PRKAG2: variants seen among roughly 807,000 people sequenced by gnomAD.
PRKAG2 encodes protein kinase AMP-activated non-catalytic subunit gamma 2, also known as 5'-AMP-activated protein kinase subunit gamma-2.
A neutral mutation model predicts 69.6 loss-of-function variants in PRKAG2; 26 were observed. The ratio of observed to expected loss-of-function variants is 0.37; its 90% CI spans 0.27 to 0.52. The LOEUF (loss-of-function observed/expected upper bound fraction) is 0.52. Among genes scored for constraint, PRKAG2 ranks in the 20% least tolerant of loss-of-function variants. The pLI is 0.90. For synonymous variants in PRKAG2, 293 were observed against 285.0 expected (o/e 1.03, Z -0.28); for missense variants, 557 against 740.0 (o/e 0.75, Z 2.87).
At chr7:151,684,307 C>T (rs530228636) in intron 3 of PRKAG2, among the ~76,000 whole-genome samples, 23 of 152,298 alleles carry the variant, frequency 1.5e-4, no homozygotes, top group Non-Finnish European at 1.0e-4. Context: ...CTGCCCCCAA[C>T]GATACAGTTT....
intron 4 of PRKAG2, among the ~76,000 whole-genome samples, chr7:151,670,273 C>A (rs1831803347): frequency 6.6e-6 from 1 of 152,198 alleles, no homozygotes; most frequent in African/African-American, 2.4e-5. Context: ...ATGGCAAAAC[C>A]TTTGGAATCA....
chr7:151,853,446 C>T (rs574217209), intron 1 of PRKAG2, among the ~76,000 whole-genome samples: 21 of 152,126 alleles, frequency 1.4e-4, no homozygotes, highest in Non-Finnish European at 2.9e-4. Flanking sequence ...TTACGTTGAA[C>T]TCTGTGAGAT....
At position 151,876,985 on chromosome 7, in the gene PRKAG2, G is replaced by A; in HGVS notation, c.-365C>T. ...TCTCGGCTCCTCCCACAGATTCCCA[G>A]AGGTAATCTGAAAGGCAGGTGCAAT... is the stretch of plus-strand genomic sequence containing the variant. On this transcript the variant is annotated 5_prime_UTR_variant, in exon 1 of 16. Transcript: ENST00000287878. The A allele has an allele frequency of 2.8e-6, 1 of 362,712 alleles. No individual in the cohort carries two copies. Among genetic ancestry groups the A allele is most frequent in the African/African-American group, 2.1e-5 (1 of 47,986 alleles). The allele number at this position is 362,712 out of a possible 1,614,324, so 22.5% of individuals were successfully genotyped here.
At chr7:151,714,498 T>A (rs1795853487) in intron 3 of PRKAG2, among the ~76,000 whole-genome samples, 1 of 145,354 alleles carries the variant, frequency 6.9e-6, no homozygotes, top group South Asian at 2.2e-4. Flanking sequence ...CACCACGTCC[T>A]CCCATCCACA....
At chr7:151,752,133 G>C (rs928779271) in intron 3 of PRKAG2, among the ~76,000 whole-genome samples, 1 of 152,200 alleles carries the variant, frequency 6.6e-6, no homozygotes, top group Non-Finnish European at 1.5e-5. Flanking sequence ...ACTTGATAAT[G>C]AAGACATGGA....
At chr7:151,713,055 G>A (rs1795578092) in intron 3 of PRKAG2, among the ~76,000 whole-genome samples, 1 of 152,178 alleles carries the variant, frequency 6.6e-6, no homozygotes, top group South Asian at 2.1e-4. Flanking sequence ...CCAGTGGATG[G>A]CCCTTCCTCG....
At chr7:151,833,326 T>C (rs1039076148) in intron 1 of PRKAG2, among the ~76,000 whole-genome samples, 5 of 152,070 alleles carry the variant, frequency 3.3e-5, no homozygotes, top group Non-Finnish European at 5.9e-5. Flanking sequence ...CTCGGGAGTG[T>C]GCAGCGGGAA....
chr7:151,725,036 C>T (rs575239554), intron 3 of PRKAG2, among the ~76,000 whole-genome samples: 2 of 152,218 alleles, frequency 1.3e-5, no homozygotes, highest in African/African-American at 4.8e-5. Flanking sequence ...GACGTGAGTA[C>T]TCCTGCCCCT....
intron 1 of PRKAG2, among the ~76,000 whole-genome samples, chr7:151,862,076 C>A (rs1263565135): frequency 6.6e-6 from 1 of 151,922 alleles, no homozygotes; most frequent in East Asian, 1.9e-4. Context: ...GGGATGAGGC[C>A]CGAGGCACTG....
chr7:151,642,479 T>C (rs1826905206), intron 4 of PRKAG2, among the ~76,000 whole-genome samples: 1 of 152,146 alleles, frequency 6.6e-6, no homozygotes, highest in South Asian at 2.1e-4. Flanking sequence ...CAGTGAGCTG[T>C]GATCACACCA....
Position 151,788,234 on chromosome 7 carries a change from A to G in PRKAG2, c.115-1693T>C, listed in dbSNP as rs989598062. Reference sequence around the variant, plus strand: ...TCCCACCCACAGTACACAGGGTTTCAATTTCTCCACATCCTCATCAACACT... The same window carrying G: ...TCCCACCCACAGTACACAGGGTTTCGATTTCTCCACATCCTCATCAACACT... On this transcript the variant is annotated intron_variant, in intron 1 of 15. Transcript: ENST00000287878. This position sits in a 1 kb window ranked among gnomAD's most constrained non-coding sequence, Gnocchi z 4.6. Among the ~76,000 whole-genome samples, 24 of 152,274 alleles carry G rather than the reference A, an allele frequency of 1.6e-4. No individual in the cohort carries two copies. Among genetic ancestry groups the G allele is most frequent in the African/African-American group, 5.5e-4 (23 of 41,560 alleles).
At chr7:151,707,445 A>C (rs552092874) in intron 3 of PRKAG2, among the ~76,000 whole-genome samples, 1 of 152,152 alleles carries the variant, frequency 6.6e-6, no homozygotes, top group African/African-American at 2.4e-5. Context: ...CATTCCTAGA[A>C]ATGTTTCTTC....
chr7:151,743,876 G>C (rs909626315), intron 3 of PRKAG2, among the ~76,000 whole-genome samples: 1 of 152,300 alleles, frequency 6.6e-6, no homozygotes, highest in Middle Eastern at 3.4e-3. Flanking sequence ...GCCAGGGCTG[G>C]GCTGCGGGAG....
intron 3 of PRKAG2, among the ~76,000 whole-genome samples, chr7:151,714,408 G>A (rs73728279): frequency 2.1e-4 from 32 of 149,980 alleles, no homozygotes; most frequent in African/African-American, 7.4e-4. Context: ...GTGGAGAGGC[G>A]GCAGGGCTTC....
chr7:151,814,502 TGACGGGGACGG>T lies in PRKAG2; in HGVS notation c.115-27972_115-27962del. On this transcript the variant is annotated intron_variant, in intron 1 of 15. Transcript: ENST00000287878. This position sits in a 1 kb window ranked among gnomAD's most constrained non-coding sequence, Gnocchi z 4.8. ...AAGCTGCTGGATGGCAGGATGCGAG[TGACGGGGACGG>T]GCGGCACTCCCAGCTCTGACAAATC... 1 of 1,230,768 alleles carries T rather than the reference TGACGGGGACGG, an allele frequency of 8.1e-7. No individual in the cohort carries two copies. The highest frequency in any genetic ancestry group is 4.2e-5 in the Admixed American group (1 of 23,684). The allele number at this position is 1,230,768 out of a possible 1,614,324, so 76.2% of individuals were successfully genotyped here.
At chr7:151,750,681 A>C (rs1465547427) in intron 3 of PRKAG2, among the ~76,000 whole-genome samples, 1 of 152,102 alleles carries the variant, frequency 6.6e-6, no homozygotes, top group Non-Finnish European at 1.5e-5. Flanking sequence ...GATTGGGGTG[A>C]TGGTCGCACA....
intron 1 of PRKAG2, among the ~76,000 whole-genome samples, chr7:151,843,956 G>A (rs1267287995): frequency 1.3e-5 from 2 of 152,246 alleles, no homozygotes; most frequent in African/African-American, 4.8e-5. Context: ...GAATTCCAAG[G>A]AACAGAAGCT....
Position 151,814,851 on chromosome 7 carries a change from G to A in PRKAG2, c.115-28310C>T. The stretch of plus-strand genomic sequence containing the variant: ...CAAACTGTCATTCCCACCTGTGTCA[G>A]GCGCTGCTGGGGAGGAAACTCCTTA... On this transcript the variant is annotated intron_variant, in intron 1 of 15. Coordinates refer to ENST00000287878, the MANE Select transcript of PRKAG2 (RefSeq NM_016203.4). The surrounding 1 kb of genome is among the most constrained non-coding windows in gnomAD (Gnocchi z 4.8). The A allele has an allele frequency of 8.1e-7, 1 of 1,231,806 alleles. No individual in the cohort carries two copies. Among genetic ancestry groups the A allele is most frequent in the South Asian group, 4.1e-5 (1 of 24,312 alleles). The allele number at this position is 1,231,806 out of a possible 1,614,324, so 76.3% of individuals were successfully genotyped here.
intron 6 of PRKAG2, among the ~76,000 whole-genome samples, chr7:151,585,855 A>G (rs528662575): frequency 2.6e-5 from 4 of 152,342 alleles, no homozygotes; most frequent in African/African-American, 9.6e-5. Context: ...GAGCAGAAGT[A>G]CAGGAAGGGA....
Sources: gnomAD v4.1 joint callset for allele counts (sites outside exome capture counted in the v4.1 genomes callset) on GRCh38, gnomAD v4.1.1 for gene constraint, Gnocchi (gnomAD v3.1) non-coding constraint, MANE v1.5 for transcripts, NCBI Gene and HGNC (gene_info 2026-07-23, HGNC 2026-07-21) for gene names.